UBE3C: variants seen among roughly 807,000 people sequenced by gnomAD.
UBE3C encodes the protein ubiquitin-protein ligase E3C.
Under a neutral mutation model 129.4 loss-of-function variants are expected in UBE3C, and 42 were observed. The ratio of observed to expected loss-of-function variants is 0.32; its 90% CI spans 0.25 to 0.42. The LOEUF is 0.42. Ranked by LOEUF, UBE3C falls within the 10% of genes least tolerant of loss-of-function variation. The pLI is 1.00. For missense variants in UBE3C, 1,049 were observed against 1,319.1 expected (o/e 0.80, Z 3.17); for synonymous variants, 510 against 492.4 (o/e 1.04, Z -0.47).
chr7:157,249,954 G>C (rs1796580532), intron 19 of UBE3C, among the ~76,000 whole-genome samples: 2 of 152,260 alleles, frequency 1.3e-5, no homozygotes, highest in Middle Eastern at 3.4e-3. Context: ...GACCATTTCA[G>C]GTTTTTGGAT....
intron 1 of UBE3C, among the ~76,000 whole-genome samples, chr7:157,161,454 CTTT>C (rs58211871): frequency 9.9e-5 from 14 of 141,214 alleles, no homozygotes; most frequent in Admixed American, 2.1e-4. Flanking sequence ...TTTGATTTTA[CTTT>C]TTTTTTTTTT....
intron 13 of UBE3C, among the ~76,000 whole-genome samples, chr7:157,213,936 T>A (rs1479863864): frequency 2.0e-5 from 3 of 152,224 alleles, no homozygotes; most frequent in Non-Finnish European, 4.4e-5. Context: ...ATTTTGGACA[T>A]ACTTCTACTA....
chr7:157,208,102 A>G (rs1563056619), intron 13 of UBE3C, among the ~76,000 whole-genome samples, 167 bp downstream of exon 13: 1 of 83,986 alleles, frequency 1.2e-5, no homozygotes, highest in African/African-American at 3.6e-5. Flanking sequence ...TGATACATGG[A>G]CTTGATGTGT....
At chr7:157,246,739 G>A (rs200545985) in intron 18 of UBE3C, among the ~76,000 whole-genome samples, 35 of 152,266 alleles carry the variant, frequency 2.3e-4, no homozygotes, top group East Asian at 1.4e-3. Context: ...CCTCCAGACA[G>A]TAGGAAGGCC....
intron 18 of UBE3C, among the ~76,000 whole-genome samples, chr7:157,243,955 G>A (rs1000300313): frequency 2.0e-5 from 3 of 152,156 alleles, no homozygotes; most frequent in Admixed American, 6.5e-5. Flanking sequence ...TATGTTGCCA[G>A]GCGCGGTGGC....
rs186993368 is a variant in UBE3C at position 157,196,229 on chromosome 7, C to T, written c.1332-5492C>T. On this transcript the variant is annotated intron_variant, in intron 10 of 22. Coordinates refer to ENST00000348165, the MANE Select transcript of UBE3C (RefSeq NM_014671.3). ...AAATAATTCTCCTATGCAACGCTGC[C>T]GACAAACTGATGTTAAAAGCACCGC... 2.0e-4 allele frequency among the ~76,000 whole-genome samples: 30 copies of T among 152,314 alleles called. 1 individual carries two copies. In the South Asian group the frequency reaches 2.7e-3, roughly 14 times the overall value.
In UBE3C at chr7:157,236,164, C is replaced by T. The variant is rs146525747; in HGVS notation, c.2481+4837C>T. 2.0e-3 allele frequency among the ~76,000 whole-genome samples: 298 copies of T among 152,304 alleles called. 1 individual carries two copies. The highest frequency in any genetic ancestry group is 6.6e-3 in the African/African-American group (274 of 41,562). Reference sequence around the variant, plus strand: ...TTGCTTCTGGTGTGGGTCATGATTGCATTTTGTCGCCTGTAAGTCAGGCTG... The same window carrying T: ...TTGCTTCTGGTGTGGGTCATGATTGTATTTTGTCGCCTGTAAGTCAGGCTG... On this transcript the variant is annotated intron_variant, in intron 18 of 22. Coordinates refer to ENST00000348165, the MANE Select transcript of UBE3C (RefSeq NM_014671.3).
intron 14 of UBE3C, among the ~76,000 whole-genome samples, chr7:157,217,559 A>G (rs1273244848): frequency 1.3e-5 from 2 of 152,174 alleles, no homozygotes; most frequent in Non-Finnish European, 2.9e-5. Flanking sequence ...TTAAGTGGCC[A>G]GGCGCGGTGG....
Position 157,253,809 on chromosome 7 carries a change from T to C in UBE3C, c.2695-145T>C, listed in dbSNP as rs1293693072. 6 of 760,058 alleles carry C rather than the reference T, an allele frequency of 7.9e-6. No individual in the cohort carries two copies. In the Admixed American group the frequency reaches 1.6e-4, roughly 20 times the overall value. The allele number at this position is 760,058 out of a possible 1,614,324, so 47.1% of individuals were successfully genotyped here. On this transcript the variant is annotated intron_variant, in intron 19 of 22. Transcript: ENST00000348165. Reference sequence around the variant, plus strand: ...GCATCTTGGCATCTGCACAATGCTGTGCATACTCGGGTACTATTTCGTATT... The same window carrying C: ...GCATCTTGGCATCTGCACAATGCTGCGCATACTCGGGTACTATTTCGTATT...
chr7:157,223,595 T>C (rs979900337), intron 16 of UBE3C, among the ~76,000 whole-genome samples: 1 of 152,212 alleles, frequency 6.6e-6, no homozygotes, highest in African/African-American at 2.4e-5. Flanking sequence ...AGATTTCTTA[T>C]AATGAGGGTC....
chr7:157,197,617 G>A (rs1809158992), intron 10 of UBE3C: 1 of 1,605,492 alleles, frequency 6.2e-7, no homozygotes, highest in African/African-American at 1.3e-5. Flanking sequence ...AGTTGATGGA[G>A]TAACACAGTG....
At chr7:157,256,796 A>C in intron 21 of UBE3C, 118 bp from the exon 22 acceptor site, 2 of 1,363,990 alleles carry the variant, frequency 1.5e-6, no homozygotes, top group Non-Finnish European at 2.0e-6. Flanking sequence ...GCCGTTTTAG[A>C]GAAGGGACTT....
intron 4 of UBE3C, among the ~76,000 whole-genome samples, chr7:157,171,038 C>T (rs534620344): frequency 2.6e-5 from 4 of 152,048 alleles, no homozygotes; most frequent in East Asian, 3.9e-4. Flanking sequence ...TCGTGAACTT[C>T]TAGCCTCAAG....
intron 22 of UBE3C, among the ~76,000 whole-genome samples, chr7:157,257,813 A>G (rs918064968): frequency 6.6e-6 from 1 of 151,712 alleles, no homozygotes; most frequent in Non-Finnish European, 1.5e-5. Context: ...GTAAATTAAA[A>G]TAAAGCCATA....
Position 157,231,395 on chromosome 7 carries a change from G to A in UBE3C, c.2481+68G>A, listed in dbSNP as rs181239682. 5 of 1,572,174 alleles carry A rather than the reference G, an allele frequency of 3.2e-6. No individual in the cohort carries two copies. The African/African-American group carries it at 6.8e-5, about 22-fold the overall frequency. On this transcript the variant is annotated intron_variant, in intron 18 of 22. Transcript: ENST00000348165. ...TGTTGACATTTTATGTTTATGTGTGGTTGTTATCCAGGTTTACCATAAAAT... is the reference window on the plus strand; with the variant it reads ...TGTTGACATTTTATGTTTATGTGTGATTGTTATCCAGGTTTACCATAAAAT...
At chr7:157,193,350 T>C (rs527451932) in intron 10 of UBE3C, among the ~76,000 whole-genome samples, 68 of 152,282 alleles carry the variant, frequency 4.5e-4, no homozygotes, top group African/African-American at 1.6e-3. Context: ...TCATTGGGTG[T>C]CTCGCTGTTT....
intron 2 of UBE3C, among the ~76,000 whole-genome samples, chr7:157,164,951 G>A (rs536396829): frequency 6.6e-6 from 1 of 152,216 alleles, no homozygotes; most frequent in East Asian, 1.9e-4. Flanking sequence ...TCCAACCTTG[G>A]TGCTGACATT....
intron 22 of UBE3C, among the ~76,000 whole-genome samples, chr7:157,264,406 TAC>T (rs56147121): frequency 1.2e-3 from 129 of 107,552 alleles, no homozygotes; most frequent in African/African-American, 3.5e-3. Flanking sequence ...CTCGGCCTGT[TAC>T]ACACACACAC....
chr7:157,252,750 A>G (rs1796649677), intron 19 of UBE3C, among the ~76,000 whole-genome samples: 1 of 152,264 alleles, frequency 6.6e-6, no homozygotes, highest in Admixed American at 6.5e-5. Context: ...TAAAGCTACC[A>G]GGAAAACTGA....
Sources: allele counts gnomAD v4.1 joint callset (sites outside exome capture counted in the v4.1 genomes callset), GRCh38; gene constraint gnomAD v4.1.1; transcripts MANE v1.5; gene names NCBI Gene and HGNC (gene_info 2026-07-23, HGNC 2026-07-21).